The following PRR16 variants were observed in gnomAD, a reference collection of about 807,000 sequenced individuals.
PRR16 encodes the protein protein Largen.
Under a neutral mutation model 18.2 loss-of-function variants are expected in PRR16, and 6 were observed. The ratio of observed to expected loss-of-function variants is 0.33; its 90% CI spans 0.18 to 0.65. PRR16 has a LOEUF of 0.65. Ranked by LOEUF, PRR16 falls within the 30% of genes least tolerant of loss-of-function variation. The pLI is 0.74. For missense variants in PRR16, 412 were observed against 376.6 expected (o/e 1.09, Z -0.78); for synonymous variants, 151 against 147.8 (o/e 1.02, Z -0.16).
chr5:120,585,553 A>G (rs1753412224), intron 1 of PRR16, among the ~76,000 whole-genome samples: 1 of 151,688 alleles, frequency 6.6e-6, no homozygotes, highest in Admixed American at 6.6e-5. Context: ...CAGGAATTGG[A>G]GGATGCAGTG....
intron 1 of PRR16, among the ~76,000 whole-genome samples, chr5:120,619,478 T>C (rs1754618478): frequency 6.6e-6 from 1 of 152,112 alleles, no homozygotes; most frequent in African/African-American, 2.4e-5. Context: ...AACCATTTAA[T>C]GTTACTATTG....
At chr5:120,519,285 C>G (rs990856082) in intron 1 of PRR16, among the ~76,000 whole-genome samples, 1 of 151,896 alleles carries the variant, frequency 6.6e-6, no homozygotes, top group Admixed American at 6.6e-5. Flanking sequence ...TACAATTTAT[C>G]ATTGTAACTG....
chr5:120,725,835 A>G, the PRR16 span, among the ~76,000 whole-genome samples: 1 of 152,208 alleles, frequency 6.6e-6, no homozygotes, highest in Non-Finnish European at 1.5e-5. Flanking sequence ...TTTTTCTTAA[A>G]TGAATTAATG....
At chr5:120,671,576 A>T (rs1258848067) in intron 1 of PRR16, among the ~76,000 whole-genome samples, 11 of 152,186 alleles carry the variant, frequency 7.2e-5, no homozygotes, top group Non-Finnish European at 1.3e-4. Context: ...AAGATAATTT[A>T]AGCAAATAAA....
chr5:120,529,621 G>A (rs956769296), intron 1 of PRR16, among the ~76,000 whole-genome samples: 1 of 152,152 alleles, frequency 6.6e-6, no homozygotes. Flanking sequence ...CATGGCTTGA[G>A]AAGTGTTCCT....
In PRR16 at chr5:120,663,404, C is replaced by T. The variant is rs1403559489; in HGVS notation, c.160-22550C>T. ...TCACTTTTTATAAGTAAAAATCATG[C>T]ATGTTTGCTGTTGAAAAGGTTAAAA... On this transcript the variant is annotated intron_variant, in intron 1 of 1. Transcript: ENST00000407149. Among the ~76,000 whole-genome samples, 4 of 151,968 alleles carry T rather than the reference C, an allele frequency of 2.6e-5. 1 individual carries two copies. The highest frequency in any genetic ancestry group is 3.9e-4 in the East Asian group (2 of 5,156).
chr5:120,515,644 C>T (rs1750965069), intron 1 of PRR16, among the ~76,000 whole-genome samples: 1 of 151,970 alleles, frequency 6.6e-6, no homozygotes, highest in Admixed American at 6.6e-5. Context: ...GAAAAAAACC[C>T]AGATTAATAG....
At chr5:120,723,079 A>G in the PRR16 span, among the ~76,000 whole-genome samples, 1 of 151,868 alleles carries the variant, frequency 6.6e-6, no homozygotes, top group Admixed American at 6.6e-5. Flanking sequence ...ATCTATATAA[A>G]TCATATTTTG....
At chr5:120,652,187 C>T (rs759692466) in intron 1 of PRR16, among the ~76,000 whole-genome samples, 10 of 151,964 alleles carry the variant, frequency 6.6e-5, no homozygotes, top group East Asian at 5.8e-4. Context: ...TTTTGATCAT[C>T]GATTTAGATG....
intron 1 of PRR16, among the ~76,000 whole-genome samples, chr5:120,570,192 G>C (rs560169350): frequency 6.6e-6 from 1 of 152,086 alleles, no homozygotes; most frequent in Non-Finnish European, 1.5e-5. Flanking sequence ...CTGCAGCAAA[G>C]ATCTCTAAAT....
At chr5:120,601,656 T>G (rs1337540470) in intron 1 of PRR16, among the ~76,000 whole-genome samples, 1 of 152,056 alleles carries the variant, frequency 6.6e-6, no homozygotes, top group Non-Finnish European at 1.5e-5. Context: ...GTGTTTACCA[T>G]GGTGTTTCCT....
chr5:120,697,688 G>C, the PRR16 span, among the ~76,000 whole-genome samples: 1 of 152,004 alleles, frequency 6.6e-6, no homozygotes, highest in African/African-American at 2.4e-5. Context: ...ATAGGATTTG[G>C]GTAGGTAAAG....
intron 1 of PRR16, among the ~76,000 whole-genome samples, chr5:120,493,933 C>A (rs912769116): frequency 2.0e-5 from 3 of 152,118 alleles, no homozygotes; most frequent in Admixed American, 6.5e-5. Flanking sequence ...AAACATTCAC[C>A]GGCTGAAGGA....
At chr5:120,707,874 G>C in the PRR16 span, among the ~76,000 whole-genome samples, 2 of 152,196 alleles carry the variant, frequency 1.3e-5, no homozygotes, top group Non-Finnish European at 2.9e-5. Context: ...ATATGGGAAT[G>C]AGGCTTGTCA....
At chr5:120,709,818 A>T in the PRR16 span, among the ~76,000 whole-genome samples, 1 of 152,112 alleles carries the variant, frequency 6.6e-6, no homozygotes, top group Non-Finnish European at 1.5e-5. Context: ...ACAGGATTTC[A>T]TTTTTTATTG....
At chr5:120,563,660 C>A (rs1752646053) in intron 1 of PRR16, among the ~76,000 whole-genome samples, 1 of 152,168 alleles carries the variant, frequency 6.6e-6, no homozygotes, top group Non-Finnish European at 1.5e-5. Context: ...CTGGACAGGT[C>A]CAGAAATGCT....
intron 1 of PRR16, among the ~76,000 whole-genome samples, chr5:120,586,222 G>A (rs1356229452): frequency 6.6e-6 from 1 of 151,830 alleles, no homozygotes; most frequent in Non-Finnish European, 1.5e-5. Flanking sequence ...CATCTTAATT[G>A]TTAAATGGAA....
the PRR16 span, among the ~76,000 whole-genome samples, chr5:120,791,925 A>C: frequency 3.3e-5 from 5 of 152,106 alleles, no homozygotes; most frequent in Non-Finnish European, 7.4e-5. Flanking sequence ...GTTTTGCATG[A>C]TTTGAACCTC....
intron 1 of PRR16, among the ~76,000 whole-genome samples, chr5:120,576,121 T>A (rs1296112144): frequency 6.6e-6 from 1 of 152,114 alleles, no homozygotes; most frequent in Admixed American, 6.6e-5. Context: ...GGCAAAGATT[T>A]TTTTCGATAA....
Sources: allele counts gnomAD v4.1 joint callset (sites outside exome capture counted in the v4.1 genomes callset), GRCh38; gene constraint gnomAD v4.1.1; transcripts MANE v1.5; gene names NCBI Gene and HGNC (gene_info 2026-07-23, HGNC 2026-07-21).